Variants in TTC7A observed in about 807,000 individuals in gnomAD.
TTC7A encodes the protein tetratricopeptide repeat domain 7A.
A neutral mutation model predicts 103.7 loss-of-function variants in TTC7A; 110 were observed. The observed-to-expected ratio is 1.06, with a 90% CI of 0.91 to 1.24. The LOEUF (loss-of-function observed/expected upper bound fraction) is 1.24, where lower values mean the gene tolerates loss of function less well. Among genes scored for constraint, TTC7A ranks in the 50% most tolerant of loss-of-function variants. The pLI, the probability that TTC7A is intolerant of heterozygous loss-of-function variation, is 0.00. For missense variants in TTC7A, 1,340 were observed against 1,116.3 expected (o/e 1.20, Z -2.86); for synonymous variants, 521 against 467.9 (o/e 1.11, Z -1.47).
intron 15 of TTC7A, among the ~76,000 whole-genome samples, chr2:47,036,106 A>C (rs970733693): frequency 2.0e-5 from 3 of 152,224 alleles, no homozygotes; most frequent in African/African-American, 7.2e-5. Context: ...AGTCCTCTCA[A>C]GGTAGCTGGA....
intron 1 of TTC7A, among the ~76,000 whole-genome samples, chr2:46,945,895 A>G (rs1288611700): frequency 1.3e-5 from 2 of 152,314 alleles, no homozygotes; most frequent in East Asian, 3.9e-4. Context: ...GGAGGTGAGC[A>G]GCTGCAGAAA....
At chr2:46,999,557 C>T in intron 8 of TTC7A, 2 of 985,432 alleles carry the variant, frequency 2.0e-6, no homozygotes, top group Non-Finnish European at 2.4e-6. Flanking sequence ...TAGTTCCTGT[C>T]CCAAATGGAC....
chr2:46,974,657 T>A (rs775639790), intron 3 of TTC7A: 5 of 476,782 alleles, frequency 1.0e-5, no homozygotes, highest in South Asian at 4.6e-5. Context: ...TAAATTTTTT[T>A]AAAAAACCTC....
intron 2 of TTC7A, among the ~76,000 whole-genome samples, chr2:46,920,235 T>C (rs1446499): frequency 0.12 from 18,263 of 152,184 alleles, 2,188 homozygotes; most frequent in African/African-American, 0.31. Context: ...ATTAGCATTC[T>C]TTAGTATCCC....
intron 2 of TTC7A, among the ~76,000 whole-genome samples, chr2:46,918,383 G>A (rs906085662): frequency 2.0e-5 from 3 of 152,202 alleles, no homozygotes; most frequent in Non-Finnish European, 4.4e-5. Context: ...TAGTCCAGTA[G>A]TAGATGATGC....
intron 10 of TTC7A, among the ~76,000 whole-genome samples, chr2:47,009,935 A>G (rs1391571383): frequency 1.4e-5 from 2 of 144,130 alleles, no homozygotes; most frequent in Non-Finnish European, 3.0e-5. Flanking sequence ...GGGGGCGCGC[A>G]GGGAAACAGG....
intron 8 of TTC7A, among the ~76,000 whole-genome samples, chr2:47,003,291 G>T (rs1334261187): frequency 6.6e-6 from 1 of 152,176 alleles, no homozygotes. Flanking sequence ...GCTGAGGCAT[G>T]GGCTGGGTTG....
At chr2:47,049,366 A>G (rs1436071278) in intron 16 of TTC7A, among the ~76,000 whole-genome samples, 1 of 151,856 alleles carries the variant, frequency 6.6e-6, no homozygotes, top group Non-Finnish European at 1.5e-5. Flanking sequence ...CGCCAGCAGT[A>G]TAGCAGCAGG....
At chr2:46,922,344 G>T (rs1669149867) in intron 2 of TTC7A, among the ~76,000 whole-genome samples, 1 of 152,126 alleles carries the variant, frequency 6.6e-6, no homozygotes, top group African/African-American at 2.4e-5. Context: ...GTGGGGCTTT[G>T]TCTATGGGAG....
intron 8 of TTC7A, among the ~76,000 whole-genome samples, chr2:46,995,863 G>A (rs781570572): frequency 2.0e-5 from 3 of 152,210 alleles, no homozygotes; most frequent in African/African-American, 7.2e-5. Flanking sequence ...AGGGAAGCAG[G>A]CAGTAAATTA....
rs1046335172 is a variant in TTC7A, at chr2:46,994,090, G to A, written c.844-267G>A. ...GCTGGGCTCCAAGGGGTCAGGAGAG[G>A]GAGGAAATGCTCCTCTTGTCTAGGA... On this transcript the variant is annotated intron_variant, in intron 6 of 19. Coordinates refer to ENST00000319190, the MANE Select transcript of TTC7A (RefSeq NM_020458.4). 6.6e-6 allele frequency: 3 copies of A among 456,352 alleles called. No homozygotes were observed. In the East Asian group the frequency reaches 1.1e-4, roughly 17 times the overall value. The allele number at this position is 456,352 out of a possible 1,614,324, so 28.3% of individuals were successfully genotyped here. A position where few individuals can be genotyped will look rare whatever the true frequency, so the allele number is the denominator to read the frequency against.
chr2:47,012,569 C>T (rs1572904256), intron 11 of TTC7A, among the ~76,000 whole-genome samples: 1 of 152,182 alleles, frequency 6.6e-6, no homozygotes, highest in African/African-American at 2.4e-5. Flanking sequence ...TAATTAGCAG[C>T]CTTTACAACT....
intron 18 of TTC7A, among the ~76,000 whole-genome samples, chr2:47,052,842 C>T (rs1682979049): frequency 1.3e-5 from 2 of 152,188 alleles, no homozygotes; most frequent in South Asian, 4.1e-4. Flanking sequence ...TCTGATTACC[C>T]TCCTCTCTGC....
intron 2 of TTC7A, among the ~76,000 whole-genome samples, chr2:46,925,762 T>A (rs1000685787): frequency 6.6e-6 from 1 of 152,156 alleles, no homozygotes; most frequent in Non-Finnish European, 1.5e-5. Context: ...GGAAAGACCA[T>A]GTTAACCCCC....
intron 2 of TTC7A, among the ~76,000 whole-genome samples, chr2:46,927,836 G>A (rs1342995352): frequency 6.7e-6 from 1 of 148,628 alleles, no homozygotes; most frequent in Non-Finnish European, 1.5e-5. Flanking sequence ...GAAAAAAACT[G>A]AGTGATTTAT....
In TTC7A at chr2:47,036,019, C is replaced by A. The variant is rs1482446031; in HGVS notation, c.1802+6635C>A. ...AAGCGTCTTCTTTTGGGAAGTTCTT[C>A]CACCCCTGAATGGCCATGAAAAGGC... is the stretch of plus-strand genomic sequence containing the variant. On this transcript the variant is annotated intron_variant, in intron 15 of 19. Coordinates refer to ENST00000319190, the MANE Select transcript of TTC7A (RefSeq NM_020458.4). Among the ~76,000 whole-genome samples the A allele has an allele frequency of 2.0e-5, 3 of 152,238 alleles. No individual in the cohort carries two copies. The East Asian group carries it at 5.8e-4, about 29-fold the overall frequency.
At chr2:46,948,422 A>G (rs978515083) in intron 1 of TTC7A, among the ~76,000 whole-genome samples, 4 of 152,224 alleles carry the variant, frequency 2.6e-5, no homozygotes, top group Non-Finnish European at 2.9e-5. Flanking sequence ...CCAGCAATGA[A>G]TGATAGTTTG....
chr2:46,994,255 C>A, intron 6 of TTC7A, 102 bp from the exon 7 acceptor site: 1 of 1,403,612 alleles, frequency 7.1e-7, no homozygotes, highest in Non-Finnish European at 9.6e-7. Context: ...CCGCACATTG[C>A]AAGCGGGGCA....
intron 2 of TTC7A, among the ~76,000 whole-genome samples, chr2:46,954,679 C>T (rs1439207323): frequency 8.1e-5 from 12 of 148,484 alleles, no homozygotes; most frequent in Non-Finnish European, 1.6e-4. Flanking sequence ...TCAAGCGATT[C>T]TTCTGCCTCA....
Sources: gnomAD v4.1 joint callset for allele counts (sites outside exome capture counted in the v4.1 genomes callset) on GRCh38, gnomAD v4.1.1 for gene constraint, MANE v1.5 for transcripts, NCBI Gene and HGNC (gene_info 2026-07-23, HGNC 2026-07-21) for gene names.